PKNOX2: variants seen among roughly 807,000 people sequenced by gnomAD.
PKNOX2 encodes homeobox protein PKNOX2.
PKNOX2 carries 14 observed loss-of-function variants against 53.1 expected under a neutral mutation model. The observed-to-expected ratio is 0.26, with a 90% CI of 0.17 to 0.41. The LOEUF is 0.41. Ranked by LOEUF, PKNOX2 falls within the 10% of genes least tolerant of loss-of-function variation. The pLI is 1.00. For synonymous variants in PKNOX2, 257 were observed against 242.8 expected (o/e 1.06, Z -0.54); for missense variants, 496 against 602.8 (o/e 0.82, Z 1.85).
At chr11:125,374,950 T>TGGGGTGGGGG (rs1952754054) in intron 5 of PKNOX2, among the ~76,000 whole-genome samples, 1 of 7,802 alleles carries the variant, frequency 1.3e-4, no homozygotes, top group Non-Finnish European at 2.4e-4. Flanking sequence ...TGGGGTGGGG[T>TGGGGTGGGGG]GGGGTGGGAG....
At chr11:125,398,116 T>A (rs1284844462) in intron 7 of PKNOX2, 54 bp downstream of exon 7, 2 of 1,527,504 alleles carry the variant, frequency 1.3e-6, no homozygotes, top group East Asian at 4.5e-5. Flanking sequence ...AGCCCAGCTC[T>A]GGAGCCACGC....
intron 5 of PKNOX2, among the ~76,000 whole-genome samples, chr11:125,383,107 A>T (rs1389272204): frequency 6.6e-6 from 1 of 152,148 alleles, no homozygotes; most frequent in Non-Finnish European, 1.5e-5. Context: ...CCTGAGTCTG[A>T]GTAGAAAGAC....
intron 1 of PKNOX2, among the ~76,000 whole-genome samples, chr11:125,200,926 G>A (rs1256994479): frequency 6.6e-6 from 1 of 152,168 alleles, no homozygotes; most frequent in African/African-American, 2.4e-5. Context: ...ATGGGCAGGG[G>A]GTCTCTGCCT....
chr11:125,271,459 G>T (rs1945784504), intron 2 of PKNOX2, among the ~76,000 whole-genome samples: 1 of 152,150 alleles, frequency 6.6e-6, no homozygotes, highest in African/African-American at 2.4e-5. Context: ...TTGCACCGGG[G>T]TTTCTTCCCT....
chr11:125,391,200 C>T (rs566479169), intron 6 of PKNOX2, among the ~76,000 whole-genome samples: 12 of 152,192 alleles, frequency 7.9e-5, no homozygotes, highest in East Asian at 1.9e-4. Flanking sequence ...GAATGGGTTC[C>T]GTAATCTCTG....
At chr11:125,167,432 G>C (rs1017246375) in intron 1 of PKNOX2, among the ~76,000 whole-genome samples, 1 of 152,168 alleles carries the variant, frequency 6.6e-6, no homozygotes, top group Non-Finnish European at 1.5e-5. Context: ...ATTCGTGAGA[G>C]CTCTCTCCCG....
At chr11:125,418,643 C>T (rs1447242446) in intron 10 of PKNOX2, among the ~76,000 whole-genome samples, 3 of 151,984 alleles carry the variant, frequency 2.0e-5, no homozygotes, top group East Asian at 3.9e-4. Flanking sequence ...GGTCACTCCA[C>T]ATTCTTTGCA....
intron 2 of PKNOX2, among the ~76,000 whole-genome samples, chr11:125,310,777 G>T (rs1948754605): frequency 6.6e-6 from 1 of 152,018 alleles, no homozygotes. Flanking sequence ...GCTATGAGAT[G>T]CTAGTTTACC....
At chr11:125,258,932 C>T (rs572727369) in intron 2 of PKNOX2, 8 of 326,706 alleles carry the variant, frequency 2.4e-5, no homozygotes, top group Non-Finnish European at 4.4e-5. Context: ...TGACAGAAGC[C>T]GTGAAAACAG....
At chr11:125,403,113 G>A (rs1954853628) in intron 7 of PKNOX2, among the ~76,000 whole-genome samples, 1 of 152,158 alleles carries the variant, frequency 6.6e-6, no homozygotes, top group South Asian at 2.1e-4. Flanking sequence ...TCCCTAGAGA[G>A]GAGATGGGGT....
At chr11:125,353,888 G>T (rs942141380) in intron 4 of PKNOX2, among the ~76,000 whole-genome samples, 9 of 151,982 alleles carry the variant, frequency 5.9e-5, no homozygotes, top group Non-Finnish European at 1.3e-4. Context: ...AACCGAGCAG[G>T]ATGTGGGGCT....
chr11:125,230,844 T>C (rs1483600749), intron 1 of PKNOX2, among the ~76,000 whole-genome samples: 1 of 152,164 alleles, frequency 6.6e-6, no homozygotes, highest in Non-Finnish European at 1.5e-5. Context: ...TAGCACACTT[T>C]TAAAGATGAG....
At chr11:125,313,606 C>T (rs1948964630) in intron 2 of PKNOX2, among the ~76,000 whole-genome samples, 1 of 152,160 alleles carries the variant, frequency 6.6e-6, no homozygotes, top group Non-Finnish European at 1.5e-5. Context: ...AGCACATGTA[C>T]CCAGGAGGCA....
intron 2 of PKNOX2, among the ~76,000 whole-genome samples, chr11:125,250,048 G>A (rs2135668467): frequency 8.0e-6 from 1 of 124,652 alleles, no homozygotes. Flanking sequence ...CTGGGCAACA[G>A]GAGCAAAACT....
At chr11:125,324,514 G>A (rs1325549088) in intron 2 of PKNOX2, among the ~76,000 whole-genome samples, 3 of 152,044 alleles carry the variant, frequency 2.0e-5, no homozygotes, top group Non-Finnish European at 4.4e-5. Context: ...ATTCCATTTA[G>A]GATTATATAA....
chr11:125,351,291 A>C lies in PKNOX2; in HGVS notation c.-15A>C. ...CCTTTCTCCTGCCCACAGGTCCTCC[A>C]TGTGAATCAATCCCATGATGCAACA... On this transcript the variant is annotated 5_prime_UTR_variant, in exon 4 of 13. An upstream start codon of the reference 5' UTR is lost. Coordinates refer to ENST00000298282, the MANE Select transcript of PKNOX2 (RefSeq NM_001382323.2). 6.4e-7 allele frequency: 1 copy of C among 1,557,818 alleles called. No individual in the cohort carries two copies. The highest frequency in any genetic ancestry group is 1.4e-5 in the African/African-American group (1 of 73,974).
intron 2 of PKNOX2, chr11:125,266,945 T>G (rs1002171323): frequency 1.3e-5 from 2 of 152,252 alleles, no homozygotes. Flanking sequence ...GGAATGTGCC[T>G]TCGGCAAGCA....
intron 6 of PKNOX2, among the ~76,000 whole-genome samples, chr11:125,388,117 C>A (rs1320707968): frequency 6.6e-6 from 1 of 152,010 alleles, no homozygotes; most frequent in Non-Finnish European, 1.5e-5. Context: ...GACCATGAAA[C>A]TTGATGTGGG....
At chr11:125,428,344 G>C (rs1051994604) in intron 10 of PKNOX2, among the ~76,000 whole-genome samples, 1 of 152,114 alleles carries the variant, frequency 6.6e-6, no homozygotes, top group South Asian at 2.1e-4. Context: ...TACCATCTGG[G>C]GGACACTGGA....
Sources: allele counts gnomAD v4.1 joint callset (sites outside exome capture counted in the v4.1 genomes callset), GRCh38; gene constraint gnomAD v4.1.1; transcripts MANE v1.5; gene names NCBI Gene and HGNC (gene_info 2026-07-23, HGNC 2026-07-21).